The following LASP1 variants were observed in gnomAD, a reference collection of about 807,000 sequenced individuals.
LASP1 encodes the protein LIM and SH3 protein 1, also known as LIM and SH3 domain protein 1.
Under a neutral mutation model 38.6 loss-of-function variants are expected in LASP1, and 10 were observed. The ratio of observed to expected loss-of-function variants is 0.26; its 90% CI spans 0.16 to 0.44. The LOEUF is 0.44. Among genes scored for constraint, LASP1 ranks in the 20% least tolerant of loss-of-function variants. The pLI is 1.00. For synonymous variants in LASP1, 132 were observed against 140.8 expected (o/e 0.94, Z 0.44); for missense variants, 243 against 375.7 (o/e 0.65, Z 2.92).
rs374062927 is a variant in LASP1 at position 38,918,640 on chromosome 17, C to T, written c.648C>T (p.Ala216=). Reference sequence around the variant, plus strand: ...GCGCGGTGTATGACTACAGCGCCGCCGACGAGGACGAGGTCTCCTTCCAGG... The same window carrying T: ...GCGCGGTGTATGACTACAGCGCCGCTGACGAGGACGAGGTCTCCTTCCAGG... The part of the protein sequence containing the change: ...RYRAVYDYSA[A]DEDEVSFQDG... Residue 216 remains alanine (A), a synonymous_variant, in exon 7 of 7, where the codon GCC becomes GCT. Coordinates refer to ENST00000318008, the MANE Select transcript of LASP1 (RefSeq NM_006148.4). This position sits in a 1 kb window ranked among gnomAD's most constrained non-coding sequence, Gnocchi z 4.4. 4.5e-5 allele frequency: 72 copies of T among 1,610,868 alleles called. No individual in the cohort carries two copies. Among genetic ancestry groups the T allele is most frequent in the Middle Eastern group, 1.6e-4 (1 of 6,068 alleles).
intron 3 of LASP1, among the ~76,000 whole-genome samples, chr17:38,896,381 C>T (rs1914492192): frequency 6.6e-6 from 1 of 152,148 alleles, no homozygotes; most frequent in Admixed American, 6.5e-5. Flanking sequence ...GGTGCTGATC[C>T]CAGGCTCCCT....
chr17:38,920,925 A>T lies in LASP1; in HGVS notation c.*2147A>T, dbSNP rs1250841217. 8.6e-6 allele frequency: 2 copies of T among 232,368 alleles called. No homozygotes were observed. Among genetic ancestry groups the T allele is most frequent in the Non-Finnish European group, 1.7e-5 (2 of 117,354 alleles). 14.4% of individuals were successfully genotyped at this position (232,368 alleles called of 1,614,324 possible). A position where few individuals can be genotyped will look rare whatever the true frequency, so the allele number is the denominator to read the frequency against. On this transcript the variant is annotated 3_prime_UTR_variant, in exon 7 of 7. Transcript: ENST00000318008. ...CCCTTAGAGGACCTGAGTTTGGGAGAGTGGTGAGTGGAAGGGAGGAGCAGC... is the reference window on the plus strand; with the variant it reads ...CCCTTAGAGGACCTGAGTTTGGGAGTGTGGTGAGTGGAAGGGAGGAGCAGC...
intron 2 of LASP1, among the ~76,000 whole-genome samples, chr17:38,883,241 G>A (rs1276104237): frequency 6.6e-6 from 1 of 152,086 alleles, no homozygotes; most frequent in African/African-American, 2.4e-5. Context: ...TTAGCCGAGT[G>A]TGGTGGTGTG....
intron 4 of LASP1, chr17:38,898,931 T>G: frequency 5.5e-6 from 2 of 361,934 alleles, no homozygotes; most frequent in Non-Finnish European, 1.1e-5. Context: ...ATTTCCGCCC[T>G]TCCTTGGCCT....
At chr17:38,870,543 C>G (rs966557196) in intron 1 of LASP1, among the ~76,000 whole-genome samples, 14 of 152,156 alleles carry the variant, frequency 9.2e-5, no homozygotes, top group African/African-American at 2.9e-4. Flanking sequence ...AAGTCAGGCG[C>G]CGGGGTGTGT....
chr17:38,876,660 G>A (rs181227817), intron 1 of LASP1, among the ~76,000 whole-genome samples: 6 of 152,050 alleles, frequency 3.9e-5, no homozygotes, highest in Admixed American at 2.0e-4. Context: ...CACCGCTCCC[G>A]GCTAGATCTG....
chr17:38,895,222 C>G (rs1914452487), intron 3 of LASP1, among the ~76,000 whole-genome samples: 1 of 150,990 alleles, frequency 6.6e-6, no homozygotes, highest in African/African-American at 2.4e-5. Flanking sequence ...TGTTCCCAGG[C>G]TGGTCTCGAA....
intron 2 of LASP1, among the ~76,000 whole-genome samples, chr17:38,885,042 C>T (rs1277089205): frequency 6.6e-6 from 1 of 152,062 alleles, no homozygotes; most frequent in Non-Finnish European, 1.5e-5. Flanking sequence ...GCTGAGAGGC[C>T]CCAGAATATC....
At chr17:38,895,984 G>T (rs975946176) in intron 3 of LASP1, among the ~76,000 whole-genome samples, 2 of 152,122 alleles carry the variant, frequency 1.3e-5, no homozygotes, top group African/African-American at 4.8e-5. Flanking sequence ...TGACCGAAGC[G>T]CTGAGTTGCA....
rs139680489 is a variant in LASP1, at chr17:38,920,773, T to C, written c.*1995T>C. On this transcript the variant is annotated 3_prime_UTR_variant, in exon 7 of 7. Transcript: ENST00000318008. ...GTGGAGGCAAGTGGAATATCTTATA[T>C]TGGGCGATTTGGGGGCTCGGGGAGG... 2.6e-3 allele frequency: 597 copies of C among 233,124 alleles called. 4 individuals carry two copies. The highest frequency in any genetic ancestry group is 0.012 in the African/African-American group (548 of 45,390). The allele number at this position is 233,124 out of a possible 1,614,324, so 14.4% of individuals were successfully genotyped here.
In LASP1 at chr17:38,898,537, C is replaced by G. The variant is rs1340855540; in HGVS notation, c.357+18C>G. On this transcript the variant is annotated intron_variant, in intron 4 of 6. Coordinates refer to ENST00000318008, the MANE Select transcript of LASP1 (RefSeq NM_006148.4). ...TCAGTAACGTGAGCTCTTGCCCTGC[C>G]CTGCGGCATCCCTGCTGCCCTCTGT... is the stretch of plus-strand genomic sequence containing the variant. 6.6e-7 allele frequency: 1 copy of G among 1,507,768 alleles called. No homozygotes were observed. The highest frequency in any genetic ancestry group is 2.0e-5 in the Admixed American group (1 of 50,916). 93.4% of individuals were successfully genotyped at this position (1,507,768 alleles called of 1,614,324 possible). A position where few individuals can be genotyped will look rare whatever the true frequency, so the allele number is the denominator to read the frequency against.
rs1301942462 is a variant in LASP1, at chr17:38,870,138, G to A, written c.-52G>A. 16 of 1,606,228 alleles carry A rather than the reference G, an allele frequency of 1.0e-5. 1 individual carries two copies. In the Admixed American group the frequency reaches 1.8e-4, roughly 18 times the overall value. On this transcript the variant is annotated 5_prime_UTR_variant, in exon 1 of 7. Transcript: ENST00000318008. ...CCGCCTCCCGCCAGCTCGCCTCGGG[G>A]AACAGGACGCGCGTGAGCTCAGGCG...
chr17:38,908,146 C>T (rs1712122855), intron 4 of LASP1, among the ~76,000 whole-genome samples: 1 of 152,182 alleles, frequency 6.6e-6, no homozygotes, highest in African/African-American at 2.4e-5. Flanking sequence ...TTCATCTGGG[C>T]CCCCAACATC....
chr17:38,893,835 G>A (rs1026606391), intron 3 of LASP1, among the ~76,000 whole-genome samples: 9 of 152,198 alleles, frequency 5.9e-5, no homozygotes, highest in African/African-American at 1.2e-4. Context: ...GCTGGAGAGA[G>A]CTGCCTGCGG....
At chr17:38,883,827 GCT>G (rs1422439068) in intron 2 of LASP1, among the ~76,000 whole-genome samples, 2 of 143,088 alleles carry the variant, frequency 1.4e-5, no homozygotes, top group African/African-American at 2.6e-5. Context: ...CTTTTTGACT[GCT>G]CTTTTTTTTC....
chr17:38,917,505 A>G (rs1196303228), intron 6 of LASP1, among the ~76,000 whole-genome samples: 1 of 151,748 alleles, frequency 6.6e-6, no homozygotes, highest in East Asian at 1.9e-4. Context: ...CTTAAGCGGC[A>G]GATTTTGGCT....
At chr17:38,910,416 G>A (rs535617015) in intron 4 of LASP1, among the ~76,000 whole-genome samples, 1 of 152,282 alleles carries the variant, frequency 6.6e-6, no homozygotes, top group Non-Finnish European at 1.5e-5. Flanking sequence ...GAAATTTCAT[G>A]TGTCATGAAA....
At chr17:38,897,253 T>C (rs1397634022) in intron 3 of LASP1, among the ~76,000 whole-genome samples, 1 of 152,228 alleles carries the variant, frequency 6.6e-6, no homozygotes, top group Non-Finnish European at 1.5e-5. Context: ...CCCACAGGCA[T>C]GTGCAGAGGA....
In LASP1 at chr17:38,918,487, T is replaced by G; in HGVS notation, c.613-118T>G. 1.0e-6 allele frequency: 1 copy of G among 994,674 alleles called. No homozygotes were observed. Among genetic ancestry groups the G allele is most frequent in the Non-Finnish European group, 1.5e-6 (1 of 671,298 alleles). 61.6% of individuals were successfully genotyped at this position (994,674 alleles called of 1,614,324 possible). A position where few individuals can be genotyped will look rare whatever the true frequency, so the allele number is the denominator to read the frequency against. ...CTTTGCAGCAGAGCCTGGTGCTCCA[T>G]TTCTGAGTTCACTGCTCCCCCAGGC... On this transcript the variant is annotated intron_variant, in intron 6 of 6. Transcript: ENST00000318008. This position sits in a 1 kb window ranked among gnomAD's most constrained non-coding sequence, Gnocchi z 4.4.
Sources: allele counts gnomAD v4.1 joint callset (sites outside exome capture counted in the v4.1 genomes callset), GRCh38; gene constraint gnomAD v4.1.1; non-coding constraint Gnocchi (gnomAD v3.1); transcripts MANE v1.5; gene names NCBI Gene and HGNC (gene_info 2026-07-23, HGNC 2026-07-21).